Variants in KDM4C observed in about 807,000 individuals in gnomAD.
KDM4C encodes lysine-specific demethylase 4C.
KDM4C carries 81 observed loss-of-function variants against 129.3 expected under a neutral mutation model. The observed-to-expected ratio is 0.63, with a 90% confidence interval of 0.52 to 0.75. The LOEUF (loss-of-function observed/expected upper bound fraction) is 0.75. Among genes scored for constraint, KDM4C ranks in the 30% least tolerant of loss-of-function variants. The pLI, the probability that KDM4C is intolerant of heterozygous loss-of-function variation, is 0.00. For missense variants in KDM4C, 1,457 were observed against 1,304.0 expected (o/e 1.12, Z -1.81); for synonymous variants, 573 against 456.1 (o/e 1.26, Z -3.26).
rs1308422647 is a variant in KDM4C, at chr9:6,893,099, C to A, written c.788C>A (p.Thr263Asn). The A allele has an allele frequency of 5.7e-6, 9 of 1,577,184 alleles. No individual in the cohort carries two copies. Among genetic ancestry groups the A allele is most frequent in the Non-Finnish European group, 6.9e-6 (8 of 1,161,158 alleles). ...KKYGIPFDKI[T>N]QEAGEFMITF... ...TATATGTTTCCTACCTTGCAGATAA[C>A]CCAGGAGGCTGGAGAATTCATGATC... Residue 263 changes from threonine (T) to asparagine (N), a missense_variant, in exon 8 of 22, where the codon ACC becomes AAC. Transcript: ENST00000381309.
At chr9:7,019,387 A>C (rs188281814) in intron 15 of KDM4C, among the ~76,000 whole-genome samples, 1 of 152,254 alleles carries the variant, frequency 6.6e-6, no homozygotes, top group Non-Finnish European at 1.5e-5. Context: ...GTGCAGCTGA[A>C]GTCAGATGAT....
chr9:6,823,437 TTGA>T (rs1833369119), intron 4 of KDM4C, among the ~76,000 whole-genome samples: 1 of 152,200 alleles, frequency 6.6e-6, no homozygotes, highest in African/African-American at 2.4e-5. Context: ...GTAACCATCT[TTGA>T]TGATAGTTTT....
chr9:7,079,071 T>C (rs776858141), intron 17 of KDM4C, among the ~76,000 whole-genome samples: 16 of 152,340 alleles, frequency 1.1e-4, no homozygotes, highest in Admixed American at 2.6e-4. Context: ...AGTACATTTT[T>C]GGTACAGTGA....
chr9:6,934,457 G>C (rs1824359241), intron 8 of KDM4C, among the ~76,000 whole-genome samples: 1 of 150,596 alleles, frequency 6.6e-6, no homozygotes, highest in Non-Finnish European at 1.5e-5. Flanking sequence ...TCGAGACTGG[G>C]TGACAGAGCA....
chr9:6,948,266 C>G (rs895151359), intron 8 of KDM4C: 24 of 152,216 alleles, frequency 1.6e-4, no homozygotes, highest in Admixed American at 6.5e-5. Flanking sequence ...TGCAAAACTA[C>G]TTGAATCATC....
chr9:6,776,069 A>C (rs1479386346), intron 1 of KDM4C, among the ~76,000 whole-genome samples: 1 of 152,188 alleles, frequency 6.6e-6, no homozygotes, highest in Non-Finnish European at 1.5e-5. Context: ...TATCCCATAG[A>C]AGGATAACAC....
At chr9:6,721,049 T>C in intron 1 of KDM4C, 1 of 1,432,540 alleles carries the variant, frequency 7.0e-7, no homozygotes. Flanking sequence ...AGTTGGTGGT[T>C]CTGTCACACT....
At chr9:7,114,993 C>A (rs1301146189) in intron 18 of KDM4C, among the ~76,000 whole-genome samples, 1 of 152,114 alleles carries the variant, frequency 6.6e-6, no homozygotes, top group Non-Finnish European at 1.5e-5. Context: ...GCTATAGGAT[C>A]ACTTGAGCCC....
intron 17 of KDM4C, among the ~76,000 whole-genome samples, chr9:7,100,189 G>T (rs145947619): frequency 6.6e-5 from 10 of 152,244 alleles, no homozygotes; most frequent in Non-Finnish European, 1.0e-4. Context: ...TTGAGCTCAG[G>T]ATTTTGAGCC....
At chr9:7,037,769 G>T (rs985645132) in intron 15 of KDM4C, among the ~76,000 whole-genome samples, 1 of 152,034 alleles carries the variant, frequency 6.6e-6, no homozygotes, top group African/African-American at 2.4e-5. Context: ...TTTTTTAAAT[G>T]CTGTTCTTTG....
intron 1 of KDM4C, among the ~76,000 whole-genome samples, chr9:6,760,460 T>TATATATATATATATATATATATAA (rs1189091893): frequency 1.3e-5 from 2 of 150,354 alleles, no homozygotes; most frequent in African/African-American, 4.9e-5. Flanking sequence ...TATATATATA[T>TATATATATATATATATATATATAA]ATATAATGTA....
intron 1 of KDM4C, among the ~76,000 whole-genome samples, chr9:6,783,079 T>G: frequency 6.6e-6 from 1 of 152,186 alleles, no homozygotes; most frequent in South Asian, 2.1e-4. Flanking sequence ...GTGTAGGAGA[T>G]GCTTTCACTT....
At chr9:7,036,325 C>T (rs7858552) in intron 15 of KDM4C, among the ~76,000 whole-genome samples, 96,513 of 151,960 alleles carry the variant, frequency 0.64, 31,063 homozygotes, top group Admixed American at 0.69. Flanking sequence ...TGTTGTATAA[C>T]GTTAACAAAG....
chr9:7,140,650 C>T (rs893567083), intron 19 of KDM4C, among the ~76,000 whole-genome samples: 1 of 152,212 alleles, frequency 6.6e-6, no homozygotes, highest in African/African-American at 2.4e-5. Context: ...CTTATCCTTC[C>T]ATGATGGTAG....
intron 7 of KDM4C, 36 bp from the exon 8 acceptor site, chr9:6,893,059 A>G: frequency 7.1e-7 from 1 of 1,405,250 alleles, no homozygotes; most frequent in Non-Finnish European, 9.4e-7. Flanking sequence ...AGGAAGTCTT[A>G]TTTTTACAAA....
At chr9:7,143,842 AT>A (rs761089177) in intron 19 of KDM4C, among the ~76,000 whole-genome samples, 1 of 152,212 alleles carries the variant, frequency 6.6e-6, no homozygotes, top group Non-Finnish European at 1.5e-5. Flanking sequence ...CTCTGTTGAA[AT>A]GCTGGTAGTA....
At chr9:7,157,206 A>G (rs937556567) in intron 19 of KDM4C, among the ~76,000 whole-genome samples, 1 of 152,196 alleles carries the variant, frequency 6.6e-6, no homozygotes, top group Non-Finnish European at 1.5e-5. Context: ...TTGATTTTGT[A>G]TCCTGAGACT....
chr9:7,016,161 T>A (rs1363143342), intron 15 of KDM4C, among the ~76,000 whole-genome samples: 2 of 151,754 alleles, frequency 1.3e-5, no homozygotes, highest in Non-Finnish European at 2.9e-5. Context: ...GGAGTCTCTC[T>A]CTGTCGCCCA....
chr9:6,767,671 G>C (rs887680893), intron 1 of KDM4C, among the ~76,000 whole-genome samples: 6 of 152,158 alleles, frequency 3.9e-5, no homozygotes, highest in African/African-American at 1.4e-4. Flanking sequence ...ATGTTGTCCA[G>C]GCTGGTCTTG....
Sources: gnomAD v4.1 joint callset for allele counts (sites outside exome capture counted in the v4.1 genomes callset) on GRCh38, gnomAD v4.1.1 for gene constraint, MANE v1.5 for transcripts, NCBI Gene and HGNC (gene_info 2026-07-23, HGNC 2026-07-21) for gene names.